Variants in ARID5B observed in about 807,000 individuals in gnomAD.
ARID5B encodes the protein AT-rich interactive domain-containing protein 5B.
ARID5B carries 13 observed loss-of-function variants against 97.2 expected under a neutral mutation model. The ratio of observed to expected loss-of-function variants is 0.13; its 90% CI spans 0.09 to 0.21. ARID5B has a LOEUF of 0.21. Among genes scored for constraint, ARID5B ranks in the 10% least tolerant of loss-of-function variants. The pLI is 1.00. For synonymous variants in ARID5B, 556 were observed against 570.3 expected (o/e 0.97, Z 0.36); for missense variants, 1,210 against 1,465.3 (o/e 0.83, Z 2.84).
chr10:61,931,322 T>A (rs1844206127), intron 2 of ARID5B, among the ~76,000 whole-genome samples: 1 of 152,182 alleles, frequency 6.6e-6, no homozygotes, highest in Admixed American at 6.5e-5. Flanking sequence ...CAAAAATACA[T>A]CAAGCTGAAC....
intron 4 of ARID5B, among the ~76,000 whole-genome samples, chr10:62,047,166 C>A (rs573713125): frequency 4.6e-5 from 7 of 152,100 alleles, no homozygotes; most frequent in Non-Finnish European, 1.0e-4. Context: ...GTCTCAGTTT[C>A]CTGGTCTGTA....
intron 3 of ARID5B, among the ~76,000 whole-genome samples, chr10:61,956,819 A>G (rs1054697974): frequency 6.6e-6 from 1 of 152,220 alleles, no homozygotes; most frequent in Non-Finnish European, 1.5e-5. Context: ...ATGTAAGTAA[A>G]AAATCCTTCT....
chr10:62,035,839 G>T (rs779020342), intron 4 of ARID5B, among the ~76,000 whole-genome samples: 1 of 150,506 alleles, frequency 6.6e-6, no homozygotes, highest in Non-Finnish European at 1.5e-5. Context: ...TTGGCTGGGG[G>T]TGGAGACAGA....
At chr10:62,026,130 G>T (rs551224413) in intron 4 of ARID5B, among the ~76,000 whole-genome samples, 18 of 152,344 alleles carry the variant, frequency 1.2e-4, no homozygotes, top group African/African-American at 4.3e-4. Flanking sequence ...AGTGGAGTTA[G>T]ATGCATGCTG....
At chr10:61,966,792 T>A (rs1838551615) in intron 3 of ARID5B, among the ~76,000 whole-genome samples, 1 of 152,146 alleles carries the variant, frequency 6.6e-6, no homozygotes, top group Non-Finnish European at 1.5e-5. Context: ...CAACCTGGAG[T>A]ATTCCTTAAA....
In ARID5B at chr10:62,038,218, A is replaced by G. The variant is rs60250195; in HGVS notation, c.734-12670A>G. Among the ~76,000 whole-genome samples the G allele has an allele frequency of 4.5e-3, 680 of 152,302 alleles. 5 individuals carry two copies. Among genetic ancestry groups the G allele is most frequent in the African/African-American group, 0.015 (640 of 41,562 alleles). On this transcript the variant is annotated intron_variant, in intron 4 of 9. Transcript: ENST00000279873. ...TTTTAAATGGTGTTTTTAAAAGATA[A>G]ATACCCAATTGGGTAACTGACTATT... is the stretch of plus-strand genomic sequence containing the variant.
Position 62,093,740 on chromosome 10 carries a change from T to G in ARID5B, c.*710T>G, listed in dbSNP as rs1410058214. ...TTTTTGTTTTGTTTTTGAGGCTGAC[T>G]GACTGTCCTAGTTGTTGTGTGTTTG... On this transcript the variant is annotated 3_prime_UTR_variant, in exon 10 of 10. Coordinates refer to ENST00000279873, the MANE Select transcript of ARID5B (RefSeq NM_032199.3). 4.3e-6 allele frequency: 1 copy of G among 232,046 alleles called. No homozygotes were observed. Among genetic ancestry groups the G allele is most frequent in the African/African-American group, 2.2e-5 (1 of 44,956 alleles). The allele number at this position is 232,046 out of a possible 1,614,324, so 14.4% of individuals were successfully genotyped here.
At chr10:61,933,137 T>G (rs949701060) in intron 2 of ARID5B, among the ~76,000 whole-genome samples, 2 of 152,258 alleles carry the variant, frequency 1.3e-5, no homozygotes, top group African/African-American at 4.8e-5. Context: ...GTAGATTTTA[T>G]GTCAAGAAAC....
chr10:62,094,469 T>C lies in ARID5B; in HGVS notation c.*1439T>C, dbSNP rs1447304025. The C allele has an allele frequency of 8.7e-6, 2 of 231,018 alleles. No homozygotes were observed. The highest frequency in any genetic ancestry group is 6.1e-5 in the East Asian group (1 of 16,324). 14.3% of individuals were successfully genotyped at this position (231,018 alleles called of 1,614,324 possible). ...GGTTTTATGGGGTGTGAGTTTTGTG[T>C]GTACACACACAGAAACATGTAAGGT... On this transcript the variant is annotated 3_prime_UTR_variant, in exon 10 of 10. Transcript: ENST00000279873.
intron 4 of ARID5B, among the ~76,000 whole-genome samples, chr10:62,015,334 G>C (rs1331126809): frequency 1.3e-5 from 2 of 152,302 alleles, no homozygotes; most frequent in East Asian, 3.9e-4. Context: ...CTGAAGTTCA[G>C]ACCCGTTTAA....
intron 5 of ARID5B, among the ~76,000 whole-genome samples, chr10:62,054,164 C>G (rs1839825933): frequency 6.6e-6 from 1 of 152,134 alleles, no homozygotes; most frequent in South Asian, 2.1e-4. Flanking sequence ...GTATGGTGTT[C>G]AGGTCAGGAA....
intron 3 of ARID5B, among the ~76,000 whole-genome samples, chr10:61,954,358 A>G (rs1838362848): frequency 6.6e-6 from 1 of 152,018 alleles, no homozygotes; most frequent in Non-Finnish European, 1.5e-5. Context: ...ACTGCATCTC[A>G]AAAAATAAAT....
At chr10:62,075,119 C>T (rs1342520925) in intron 8 of ARID5B, among the ~76,000 whole-genome samples, 1 of 152,174 alleles carries the variant, frequency 6.6e-6, no homozygotes, top group Admixed American at 6.5e-5. Context: ...AGGCAGGTAG[C>T]AAAGATGAGT....
chr10:62,059,212 C>A, intron 6 of ARID5B, 31 bp from the exon 7 acceptor site: 1 of 1,553,946 alleles, frequency 6.4e-7, no homozygotes, highest in South Asian at 1.2e-5. Context: ...TAATGCAATG[C>A]TTATCTAAAT....
intron 3 of ARID5B, among the ~76,000 whole-genome samples, chr10:61,983,867 CTTTTTTTTTTTT>C (rs1164342402): frequency 3.6e-5 from 1 of 27,590 alleles, no homozygotes; most frequent in African/African-American, 1.6e-4. Context: ...CCCTTTTGTT[CTTTTTTTTTTTT>C]TTTTTTTTTT....
chr10:62,062,994 G>A (rs1171223120), intron 7 of ARID5B, among the ~76,000 whole-genome samples: 2 of 152,126 alleles, frequency 1.3e-5, no homozygotes, highest in Non-Finnish European at 2.9e-5. Flanking sequence ...ATTCTTTGTG[G>A]CTTTCCATTC....
In ARID5B at chr10:62,029,244, A is replaced by G. The variant is rs184235377; in HGVS notation, c.734-21644A>G. On this transcript the variant is annotated intron_variant, in intron 4 of 9. Coordinates refer to ENST00000279873, the MANE Select transcript of ARID5B (RefSeq NM_032199.3). The stretch of plus-strand genomic sequence containing the variant: ...CCTTATCCATGTCCACGTCATAGGG[A>G]CTGCTCCAGTTCCGGGTATGCCATG... Among the ~76,000 whole-genome samples the G allele has an allele frequency of 5.3e-3, 810 of 152,240 alleles. 5 individuals are homozygous for G. Among genetic ancestry groups the G allele is most frequent in the African/African-American group, 0.019 (786 of 41,534 alleles).
intron 3 of ARID5B, among the ~76,000 whole-genome samples, chr10:61,971,942 G>T (rs1838633560): frequency 6.6e-6 from 1 of 152,164 alleles, no homozygotes. Context: ...GCATGAGCAA[G>T]TATTTGAGCC....
At chr10:61,958,386 G>A (rs961078542) in intron 3 of ARID5B, among the ~76,000 whole-genome samples, 4 of 152,028 alleles carry the variant, frequency 2.6e-5, no homozygotes, top group Admixed American at 2.0e-4. Flanking sequence ...CCGCCACCGC[G>A]CCCGGCTAAT....
Sources: gnomAD v4.1 joint callset for allele counts (sites outside exome capture counted in the v4.1 genomes callset) on GRCh38, gnomAD v4.1.1 for gene constraint, MANE v1.5 for transcripts, NCBI Gene and HGNC (gene_info 2026-07-23, HGNC 2026-07-21) for gene names.